Variants in SFMBT2 observed in about 807,000 individuals in gnomAD.
The protein encoded by SFMBT2 is Scm like with four mbt domains 2, also known as scm-like with four MBT domains protein 2.
A neutral mutation model predicts 110.1 loss-of-function variants in SFMBT2; 38 were observed. That is an observed-to-expected ratio of 0.35 (90% CI 0.27 to 0.45). SFMBT2 has a LOEUF of 0.45. SFMBT2 is among the 20% of genes least tolerant of loss of function. The pLI is 1.00. For missense variants in SFMBT2, 1,011 were observed against 1,094.9 expected, an observed-to-expected ratio of 0.92 and a Z score of 1.08; for synonymous variants, 425 against 425.4, an observed-to-expected ratio of 1.00 and a Z score of 0.01.
chr10:7,211,809 A>G (rs1217688866), intron 11 of SFMBT2, among the ~76,000 whole-genome samples: 1 of 152,220 alleles, frequency 6.6e-6, no homozygotes, highest in South Asian at 2.1e-4. Flanking sequence ...CAAAATGCAT[A>G]GTAACTACCT....
At chr10:7,339,057 C>T (rs973585056) in intron 4 of SFMBT2, among the ~76,000 whole-genome samples, 20 of 152,018 alleles carry the variant, frequency 1.3e-4, no homozygotes, top group African/African-American at 3.9e-4. Flanking sequence ...CTGGCCAACA[C>T]GGCAAAACCC....
intron 9 of SFMBT2, among the ~76,000 whole-genome samples, chr10:7,228,717 T>C (rs1839988378): frequency 7.6e-6 from 1 of 132,018 alleles, no homozygotes; most frequent in African/African-American, 3.0e-5. Context: ...CTTTCTTTCT[T>C]TCTTTCTTTC....
chr10:7,343,521 T>A (rs1843995211), intron 4 of SFMBT2, among the ~76,000 whole-genome samples: 2 of 152,094 alleles, frequency 1.3e-5, no homozygotes, highest in South Asian at 4.1e-4. Flanking sequence ...GTTTAAGCAT[T>A]CTCTTTTCTC....
intron 4 of SFMBT2, among the ~76,000 whole-genome samples, chr10:7,347,910 C>T (rs1473906214): frequency 6.6e-6 from 1 of 152,100 alleles, no homozygotes; most frequent in Non-Finnish European, 1.5e-5. Flanking sequence ...ACTGAAAAAA[C>T]CATTAACGGT....
chr10:7,392,999 AT>A (rs1564472911), intron 1 of SFMBT2, among the ~76,000 whole-genome samples: 3,643 of 71,796 alleles, frequency 0.051, 250 homozygotes, highest in Non-Finnish European at 0.061. Flanking sequence ...ATATATATAT[AT>A]ATATATATAT....
chr10:7,244,757 T>G (rs1026664440), intron 8 of SFMBT2, among the ~76,000 whole-genome samples: 1 of 152,128 alleles, frequency 6.6e-6, no homozygotes, highest in African/African-American at 2.4e-5. Flanking sequence ...GGCCCCTTCA[T>G]TTTTTTTCTG....
At chr10:7,268,111 T>C (rs926469818) in intron 7 of SFMBT2, among the ~76,000 whole-genome samples, 1 of 152,164 alleles carries the variant, frequency 6.6e-6, no homozygotes, top group African/African-American at 2.4e-5. Context: ...GAAAAAGTAA[T>C]ATGGAGGCTC....
rs1433875301 is a variant in SFMBT2, at chr10:7,175,978, A to G, written c.1984+12T>C. 2.5e-6 allele frequency: 4 copies of G among 1,603,764 alleles called. No individual in the cohort carries two copies. The highest frequency in any genetic ancestry group is 1.3e-5 in the African/African-American group (1 of 74,500). On this transcript the variant is annotated intron_variant, in intron 17 of 20. Transcript: ENST00000397167. ...GGGCTCATGCATTTCTTTTTTCATT[A>G]TTTGTACTTACTGTATTTGGTTTTG...
At chr10:7,265,039 A>G (rs1841334553) in intron 7 of SFMBT2, among the ~76,000 whole-genome samples, 1 of 151,240 alleles carries the variant, frequency 6.6e-6, no homozygotes, top group Non-Finnish European at 1.5e-5. Context: ...CAGGTTTGTG[A>G]GCAACAGGAT....
chr10:7,195,118 A>G (rs1269054073), intron 15 of SFMBT2, among the ~76,000 whole-genome samples: 1 of 152,222 alleles, frequency 6.6e-6, no homozygotes, highest in East Asian at 1.9e-4. Context: ...GGCAGACAAC[A>G]TTGCCCTAGT....
chr10:7,355,778 C>T (rs879443981), intron 4 of SFMBT2, among the ~76,000 whole-genome samples: 2 of 152,124 alleles, frequency 1.3e-5, no homozygotes, highest in Non-Finnish European at 2.9e-5. Flanking sequence ...AGCCACTGCT[C>T]TCCAGCCTGG....
At position 7,350,663 on chromosome 10, in the gene SFMBT2, T is replaced by C. The variant is rs541138400; in HGVS notation, c.436+16986A>G. On this transcript the variant is annotated intron_variant, in intron 4 of 20. Coordinates refer to ENST00000397167, the MANE Select transcript of SFMBT2 (RefSeq NM_001387889.1). Reference sequence around the variant, plus strand: ...TAACAAGCTGGAATAAAGACTGTTTTATACTTTAAGTCTGCATGACAAAGA... The same window carrying C: ...TAACAAGCTGGAATAAAGACTGTTTCATACTTTAAGTCTGCATGACAAAGA... Among the ~76,000 whole-genome samples, 245 of 152,368 alleles carry C rather than the reference T, an allele frequency of 1.6e-3. 1 individual carries two copies. Among genetic ancestry groups the C allele is most frequent in the Non-Finnish European group, 6.0e-4 (41 of 68,034 alleles).
intron 20 of SFMBT2, chr10:7,164,213 A>G: frequency 1.3e-6 from 1 of 777,420 alleles, no homozygotes; most frequent in Non-Finnish European, 1.6e-6. Flanking sequence ...ACGGTGAGAT[A>G]CGGTCTCTAC....
intron 6 of SFMBT2, 120 bp from the exon 7 acceptor site, chr10:7,277,109 G>T: frequency 1.5e-6 from 1 of 661,616 alleles, no homozygotes; most frequent in Non-Finnish European, 2.7e-6. Flanking sequence ...GACCGTGAGT[G>T]TTCACACCCC....
intron 20 of SFMBT2, among the ~76,000 whole-genome samples, chr10:7,167,582 T>G (rs1461077441): frequency 6.6e-6 from 1 of 152,102 alleles, no homozygotes; most frequent in Non-Finnish European, 1.5e-5. Context: ...TCTCAGACAA[T>G]GCCTGCGGTG....
intron 4 of SFMBT2, among the ~76,000 whole-genome samples, chr10:7,356,883 G>C (rs1479351406): frequency 6.6e-6 from 1 of 152,174 alleles, no homozygotes; most frequent in East Asian, 1.9e-4. Context: ...CTGAGCAGCA[G>C]GCAGTGAGCC....
At chr10:7,346,026 C>T (rs1844097165) in intron 4 of SFMBT2, among the ~76,000 whole-genome samples, 1 of 152,220 alleles carries the variant, frequency 6.6e-6, no homozygotes, top group African/African-American at 2.4e-5. Context: ...AATAAAAGCA[C>T]TGAACACCTT....
At chr10:7,366,071 A>G (rs756259194) in intron 4 of SFMBT2, among the ~76,000 whole-genome samples, 1 of 152,166 alleles carries the variant, frequency 6.6e-6, no homozygotes. Flanking sequence ...GACCTGGCCC[A>G]TGAGCACAGA....
intron 1 of SFMBT2, among the ~76,000 whole-genome samples, chr10:7,404,350 A>G (rs1846157320): frequency 6.6e-6 from 1 of 152,210 alleles, no homozygotes; most frequent in East Asian, 1.9e-4. Flanking sequence ...GTTGATTGAA[A>G]TGGAGGGGAA....
Sources: gnomAD v4.1 joint callset for allele counts (sites outside exome capture counted in the v4.1 genomes callset) on GRCh38, gnomAD v4.1.1 for gene constraint, MANE v1.5 for transcripts, NCBI Gene and HGNC (gene_info 2026-07-23, HGNC 2026-07-21) for gene names.